The following HTR1E variants were observed in gnomAD, a reference collection of about 807,000 sequenced individuals.
HTR1E encodes 5-HT-1E.
A neutral mutation model predicts 3.4 loss-of-function variants in HTR1E; 3 were observed. That is an observed-to-expected ratio of 0.89 (90% CI 0.41 to 2.31). The LOEUF is 2.31. Among genes scored for constraint, HTR1E ranks in the 30% most tolerant of loss-of-function variants. The probability of loss-of-function intolerance (pLI) is 0.05; values close to 1 mark genes in which losing one functional copy is unlikely to be tolerated. For synonymous variants in HTR1E, 170 were observed against 182.8 expected, an observed-to-expected ratio of 0.93 and a Z score of 0.56; for missense variants, 392 against 467.0, an observed-to-expected ratio of 0.84 and a Z score of 1.48.
intron 1 of HTR1E, among the ~76,000 whole-genome samples, chr6:86,992,183 C>G (rs1767878232): frequency 6.6e-6 from 1 of 152,148 alleles, no homozygotes. Context: ...ACAATAATCC[C>G]TTCGAAATGA....
At chr6:87,008,279 A>C (rs1768147971) in intron 1 of HTR1E, among the ~76,000 whole-genome samples, 1 of 152,198 alleles carries the variant, frequency 6.6e-6, no homozygotes, top group African/African-American at 2.4e-5. Context: ...CAGAGTATCC[A>C]CCCTTCCTTT....
intron 1 of HTR1E, among the ~76,000 whole-genome samples, chr6:86,960,070 C>CAG (rs2127820138): frequency 6.6e-6 from 1 of 152,308 alleles, no homozygotes; most frequent in South Asian, 2.1e-4. Context: ...GGATAAAATT[C>CAG]AGCAGGTGTC....
intron 1 of HTR1E, among the ~76,000 whole-genome samples, chr6:87,005,650 T>C (rs1238893256): frequency 1.3e-5 from 2 of 152,186 alleles, no homozygotes; most frequent in Non-Finnish European, 1.5e-5. Flanking sequence ...CAAGAAAACA[T>C]TGGGGAAACT....
At chr6:86,968,009 T>C (rs11967360) in intron 1 of HTR1E, among the ~76,000 whole-genome samples, 23,565 of 152,198 alleles carry the variant, frequency 0.15, 2,108 homozygotes, top group East Asian at 0.29. Flanking sequence ...ACTGTAATCA[T>C]GTTTTTGCAT....
chr6:86,960,164 A>C (rs1444435895), intron 1 of HTR1E, among the ~76,000 whole-genome samples: 2 of 152,216 alleles, frequency 1.3e-5, no homozygotes, highest in African/African-American at 4.8e-5. Flanking sequence ...ACAGTTCTAG[A>C]AGCTGGGTAA....
chr6:87,016,136 T>A lies in HTR1E; in HGVS notation c.802T>A (p.Phe268Ile), dbSNP rs367568748. 1 of 1,614,034 alleles carries A rather than the reference T, an allele frequency of 6.2e-7. No individual in the cohort carries two copies. The highest frequency in any genetic ancestry group is 8.5e-7 in the Non-Finnish European group (1 of 1,180,022). The change falls in exon 2 of 2, where the codon TTC (phenylalanine) becomes ATC (isoleucine). Residue 268 changes from phenylalanine (F) to isoleucine (I), a missense_variant. Coordinates refer to ENST00000305344, the MANE Select transcript of HTR1E (RefSeq NM_000865.3). Reference sequence around the variant, plus strand: ...CCATGCCTCCATCAGGATCCCCCCCTTCGACAATGATCTAGATCACCCAGG... The same window carrying A: ...CCATGCCTCCATCAGGATCCCCCCCATCGACAATGATCTAGATCACCCAGG... ...KFHASIRIPPFDNDLDHPGER... is the reference protein window; with the variant it reads ...KFHASIRIPPIDNDLDHPGER...
At chr6:86,987,271 T>C (rs1036282433) in intron 1 of HTR1E, among the ~76,000 whole-genome samples, 2 of 152,128 alleles carry the variant, frequency 1.3e-5, no homozygotes, top group African/African-American at 2.4e-5. Context: ...CATCTGTTGC[T>C]AAAGCTTTCT....
intron 1 of HTR1E, among the ~76,000 whole-genome samples, chr6:86,996,759 C>A (rs575273959): frequency 6.6e-6 from 1 of 152,024 alleles, no homozygotes; most frequent in South Asian, 2.1e-4. Flanking sequence ...TCTTAAAACT[C>A]CTGAAAAAGT....
intron 1 of HTR1E, among the ~76,000 whole-genome samples, chr6:86,954,309 A>T (rs1055058351): frequency 6.6e-5 from 10 of 152,088 alleles, no homozygotes; most frequent in African/African-American, 9.7e-5. Context: ...TCACTAAGAC[A>T]TCTTACTTTA....
At chr6:86,975,947 A>ACTCT (rs1554182862) in intron 1 of HTR1E, among the ~76,000 whole-genome samples, 1 of 139,682 alleles carries the variant, frequency 7.2e-6, no homozygotes, top group Non-Finnish European at 1.6e-5. Flanking sequence ...ACACACACAC[A>ACTCT]CTCTCTCTCT....
In HTR1E at chr6:87,015,277, T is replaced by C; in HGVS notation, c.-58T>C. 6.9e-7 allele frequency: 1 copy of C among 1,443,892 alleles called. No individual in the cohort carries two copies. Among genetic ancestry groups the C allele is most frequent in the Non-Finnish European group, 9.2e-7 (1 of 1,085,364 alleles). The allele number at this position is 1,443,892 out of a possible 1,614,324, so 89.4% of individuals were successfully genotyped here. On this transcript the variant is annotated 5_prime_UTR_variant, in exon 2 of 2. Coordinates refer to ENST00000305344, the MANE Select transcript of HTR1E (RefSeq NM_000865.3). ...AGAAACCTTCGAGGCTACATAGTTTTCAGCCAAAGGAAAATAACCAACAGC... is the reference window on the plus strand; with the variant it reads ...AGAAACCTTCGAGGCTACATAGTTTCCAGCCAAAGGAAAATAACCAACAGC...
At chr6:86,975,928 C>T (rs1767631550) in intron 1 of HTR1E, among the ~76,000 whole-genome samples, 1 of 151,708 alleles carries the variant, frequency 6.6e-6, no homozygotes, top group Non-Finnish European at 1.5e-5. Context: ...GACACACACA[C>T]ACACACACAC....
At chr6:86,950,957 T>A (rs929018458) in intron 1 of HTR1E, among the ~76,000 whole-genome samples, 1 of 152,194 alleles carries the variant, frequency 6.6e-6, no homozygotes, top group African/African-American at 2.4e-5. Context: ...TCTCTAATAA[T>A]AAAGCAAGGT....
At chr6:86,971,003 G>T (rs1767544468) in intron 1 of HTR1E, 2 of 447,002 alleles carry the variant, frequency 4.5e-6, no homozygotes, top group Admixed American at 2.4e-5. Context: ...GGCATCATCT[G>T]CTTGGAGGAT....
rs753568078 is a variant in HTR1E at position 87,016,128 on chromosome 6, T to TC, written c.801dup (p.Phe268LeufsTer4). On this transcript the variant is annotated frameshift_variant, in exon 2 of 2. Transcript: ENST00000305344. LOFTEE classifies it low-confidence loss of function (END_TRUNC). ...GAAAAGTTCCATGCCTCCATCAGGA[T>TC]CCCCCCCTTCGACAATGATCTAGAT... 7 of 1,613,788 alleles carry TC rather than the reference T, an allele frequency of 4.3e-6. No individual in the cohort carries two copies. Among genetic ancestry groups the TC allele is most frequent in the Admixed American group, 3.3e-5 (2 of 59,972 alleles).
chr6:86,999,361 G>T (rs76334475), intron 1 of HTR1E, among the ~76,000 whole-genome samples: 4,442 of 152,152 alleles, frequency 0.029, 141 homozygotes, highest in East Asian at 0.13. Flanking sequence ...AATTAAAAAT[G>T]AGGTTAAAGT....
At chr6:86,998,281 T>G (rs1262954308) in intron 1 of HTR1E, among the ~76,000 whole-genome samples, 1 of 152,040 alleles carries the variant, frequency 6.6e-6, no homozygotes, top group Non-Finnish European at 1.5e-5. Flanking sequence ...AGAATACACA[T>G]TATTTTGAAA....
intron 1 of HTR1E, among the ~76,000 whole-genome samples, 163 bp from the exon 2 acceptor site, chr6:87,014,987 T>TA (rs879868263): frequency 9.2e-5 from 14 of 151,954 alleles, no homozygotes; most frequent in Non-Finnish European, 1.6e-4. Flanking sequence ...TTCCCTGAAG[T>TA]AAAAAAAGTA....
chr6:86,985,616 A>G (rs1427662584), intron 1 of HTR1E, among the ~76,000 whole-genome samples: 2 of 152,202 alleles, frequency 1.3e-5, no homozygotes, highest in African/African-American at 4.8e-5. Flanking sequence ...AGCGCTAGTC[A>G]GCAGAGACAG....
Sources: allele counts gnomAD v4.1 joint callset (sites outside exome capture counted in the v4.1 genomes callset), GRCh38; gene constraint gnomAD v4.1.1; transcripts MANE v1.5; gene names NCBI Gene and HGNC (gene_info 2026-07-23, HGNC 2026-07-21).